GPC6: variants seen among roughly 807,000 people sequenced by gnomAD.
The protein encoded by GPC6 is glypican 6.
Under a neutral mutation model 55.2 loss-of-function variants are expected in GPC6, and 14 were observed. The observed-to-expected ratio is 0.25, with a 90% CI of 0.17 to 0.40. GPC6 has a LOEUF of 0.40. Among genes scored for constraint, GPC6 ranks in the 10% least tolerant of loss-of-function variants. The pLI, the probability that GPC6 is intolerant of heterozygous loss-of-function variation, is 1.00. For synonymous variants in GPC6, 278 were observed against 259.6 expected (o/e 1.07, Z -0.68); for missense variants, 641 against 708.5 (o/e 0.90, Z 1.08).
intron 4 of GPC6, among the ~76,000 whole-genome samples, chr13:94,181,968 T>C (rs9516360): frequency 0.19 from 29,596 of 152,166 alleles, 2,890 homozygotes; most frequent in South Asian, 0.23. Flanking sequence ...AGAGGTTGCA[T>C]GGCTTAGTCC....
At chr13:93,924,680 CT>C (rs1349534351) in intron 3 of GPC6, among the ~76,000 whole-genome samples, 1 of 141,052 alleles carries the variant, frequency 7.1e-6, no homozygotes, top group Non-Finnish European at 1.5e-5. Context: ...TTTCTTTTAT[CT>C]TTTTTCTTTC....
intron 1 of GPC6, among the ~76,000 whole-genome samples, chr13:93,461,856 A>G (rs1878705212): frequency 6.6e-6 from 1 of 152,152 alleles, no homozygotes; most frequent in Non-Finnish European, 1.5e-5. Flanking sequence ...TTCCCTCTTT[A>G]CGTTATCTCA....
rs181380311 is a variant in GPC6 at position 93,369,693 on chromosome 13, C to T, written c.160+142077C>T. Among the ~76,000 whole-genome samples the T allele has an allele frequency of 4.6e-5, 7 of 152,190 alleles. No individual in the cohort carries two copies. The East Asian group carries it at 7.7e-4, about 17-fold the overall frequency. On this transcript the variant is annotated intron_variant, in intron 1 of 8. Coordinates refer to ENST00000377047, the MANE Select transcript of GPC6 (RefSeq NM_005708.5). Reference sequence around the variant, plus strand: ...TTGTTCACATTTGCTATTGTTTTAACCACATTTGAAGCAACAGTTTAAACG... The same window carrying T: ...TTGTTCACATTTGCTATTGTTTTAATCACATTTGAAGCAACAGTTTAAACG...
intron 3 of GPC6, among the ~76,000 whole-genome samples, chr13:93,876,004 C>G (rs945210711): frequency 6.6e-6 from 1 of 152,046 alleles, no homozygotes; most frequent in Non-Finnish European, 1.5e-5. Context: ...GAGGCAAAAG[C>G]TGACCAGTAG....
Position 93,497,615 on chromosome 13 carries a change from A to G in GPC6, c.161-47648A>G, listed in dbSNP as rs144788982. Among the ~76,000 whole-genome samples the G allele has an allele frequency of 5.1e-4, 77 of 152,368 alleles. 1 individual carries two copies. Among genetic ancestry groups the G allele is most frequent in the African/African-American group, 1.8e-3 (73 of 41,598 alleles). ...AAATGAAGGCTAAAAAGAAACTTTT[A>G]TGTGAAAGAACACAATGTTGATATA... On this transcript the variant is annotated intron_variant, in intron 1 of 8. Transcript: ENST00000377047.
At chr13:93,836,234 G>A (rs1887726331) in intron 3 of GPC6, 1 of 152,164 alleles carries the variant, frequency 6.6e-6, no homozygotes, top group Admixed American at 6.5e-5. Flanking sequence ...TGAAATAGAG[G>A]TTATCAAATG....
At chr13:93,603,779 A>G (rs1878123225) in intron 2 of GPC6, among the ~76,000 whole-genome samples, 1 of 152,224 alleles carries the variant, frequency 6.6e-6, no homozygotes, top group South Asian at 2.1e-4. Context: ...TACAAGGGGG[A>G]CACTAATATC....
At chr13:93,292,634 G>A (rs2139082082) in intron 1 of GPC6, among the ~76,000 whole-genome samples, 1 of 152,212 alleles carries the variant, frequency 6.6e-6, no homozygotes, top group Non-Finnish European at 1.5e-5. Flanking sequence ...AGAGTGTATT[G>A]ATGTGTTTGT....
rs546518205 is a variant in GPC6, at chr13:93,255,308, C to T, written c.160+27692C>T. 1.1e-4 allele frequency among the ~76,000 whole-genome samples: 16 copies of T among 152,248 alleles called. No individual in the cohort carries two copies. In the South Asian group the frequency reaches 3.3e-3, roughly 32 times the overall value. On this transcript the variant is annotated intron_variant, in intron 1 of 8. Transcript: ENST00000377047. The stretch of plus-strand genomic sequence containing the variant: ...GATCAAATCAGTGTACCTGAGATTT[C>T]CATCACCTTAAAGATTTATCTTCTT...
intron 3 of GPC6, among the ~76,000 whole-genome samples, chr13:93,849,469 G>T (rs573488405): frequency 9.9e-5 from 15 of 152,158 alleles, no homozygotes; most frequent in African/African-American, 3.4e-4. Context: ...AAAGATGAAT[G>T]ACTGAATATA....
At position 93,944,037 on chromosome 13, in the gene GPC6, C is replaced by T. The variant is rs80100521; in HGVS notation, c.712-83692C>T. ...GGGGGTTCTCTGAAGCACCTGCTAG[C>T]GCTACATGCTTCTTCTCCAATAGCC... is the stretch of plus-strand genomic sequence containing the variant. On this transcript the variant is annotated intron_variant, in intron 3 of 8. Coordinates refer to ENST00000377047, the MANE Select transcript of GPC6 (RefSeq NM_005708.5). 7.3e-4 allele frequency among the ~76,000 whole-genome samples: 111 copies of T among 152,288 alleles called. 3 individuals carry two copies. In the East Asian group the frequency reaches 0.019, roughly 25 times the overall value.
chr13:93,245,281 A>G (rs1876560633), intron 1 of GPC6, among the ~76,000 whole-genome samples: 2 of 152,208 alleles, frequency 1.3e-5, no homozygotes, highest in Admixed American at 1.3e-4. Flanking sequence ...GAGCACCGTT[A>G]TTCAGTTTTG....
intron 2 of GPC6, among the ~76,000 whole-genome samples, chr13:93,577,922 A>G (rs1221308407): frequency 6.6e-6 from 1 of 152,002 alleles, no homozygotes; most frequent in Non-Finnish European, 1.5e-5. Flanking sequence ...TCACAAAGGC[A>G]TGTTGAATTT....
At chr13:93,596,219 G>A (rs1877720968) in intron 2 of GPC6, among the ~76,000 whole-genome samples, 1 of 152,140 alleles carries the variant, frequency 6.6e-6, no homozygotes, top group African/African-American at 2.4e-5. Flanking sequence ...GAGGAGCAAT[G>A]GAAGAGACCA....
chr13:93,257,300 TA>T (rs34528129), intron 1 of GPC6, among the ~76,000 whole-genome samples: 27,335 of 150,800 alleles, frequency 0.18, 2,753 homozygotes, highest in East Asian at 0.28. Context: ...AGATCCTGTC[TA>T]AAAAAAAAAT....
chr13:93,471,975 T>A (rs1311887867), intron 1 of GPC6, among the ~76,000 whole-genome samples: 1 of 152,216 alleles, frequency 6.6e-6, no homozygotes, highest in African/African-American at 2.4e-5. Flanking sequence ...AGAGAAGTAT[T>A]GAAGTCCTAC....
At chr13:93,904,225 T>C (rs1876513491) in intron 3 of GPC6, among the ~76,000 whole-genome samples, 1 of 152,106 alleles carries the variant, frequency 6.6e-6, no homozygotes, top group East Asian at 1.9e-4. Context: ...GACATCTCAT[T>C]TTAAACAAAT....
chr13:94,398,446 TCTCA>T lies in GPC6; in HGVS notation c.1290-16_1290-13del. The T allele has an allele frequency of 6.3e-7, 1 of 1,595,944 alleles. No homozygotes were observed. The highest frequency in any genetic ancestry group is 1.3e-5 in the African/African-American group (1 of 74,720). ...TCTGTGGCATCTCCCTGAGGTGTTC[TCTCA>T]CTCTCTGCCTTGCAGATACTTGCCT... On this transcript the variant is annotated splice_polypyrimidine_tract_variant and intron_variant, in intron 7 of 8. Transcript: ENST00000377047.
intron 6 of GPC6, among the ~76,000 whole-genome samples, chr13:94,331,758 A>G (rs573441112): frequency 6.6e-6 from 1 of 152,358 alleles, no homozygotes; most frequent in East Asian, 1.9e-4. Context: ...CAAGATGGAA[A>G]GCAAGGATCA....
Sources: gnomAD v4.1 joint callset for allele counts (sites outside exome capture counted in the v4.1 genomes callset) on GRCh38, gnomAD v4.1.1 for gene constraint, MANE v1.5 for transcripts, NCBI Gene and HGNC (gene_info 2026-07-23, HGNC 2026-07-21) for gene names.